Variants in JAKMIP1 observed in about 807,000 individuals in gnomAD.
The protein encoded by JAKMIP1 is janus kinase and microtubule interacting protein 1, also known as janus kinase and microtubule-interacting protein 1.
In JAKMIP1, 33 loss-of-function variants were observed where a neutral mutation model predicts 113.0. The observed-to-expected ratio is 0.29, with a 90% confidence interval of 0.22 to 0.39. The LOEUF is 0.39. Among genes scored for constraint, JAKMIP1 ranks in the 10% least tolerant of loss-of-function variants. JAKMIP1 has a pLI of 1.00. For synonymous variants in JAKMIP1, 480 were observed against 459.9 expected, an observed-to-expected ratio of 1.04 and a Z score of -0.56; for missense variants, 813 against 1,080.5, an observed-to-expected ratio of 0.75 and a Z score of 3.47.
At chr4:6,037,771 T>G (rs796779979) in intron 18 of JAKMIP1, among the ~76,000 whole-genome samples, 234 of 47,912 alleles carry the variant, frequency 4.9e-3, no homozygotes, top group Middle Eastern at 0.019. Context: ...CATCACTGAG[T>G]CAGAGGTTAA....
Position 6,089,267 on chromosome 4 carries a change from C to G in JAKMIP1, c.625-3638G>C, listed in dbSNP as rs949507373. 6.6e-6 allele frequency among the ~76,000 whole-genome samples: 1 copy of G among 152,222 alleles called. No individual in the cohort carries two copies. The highest frequency in any genetic ancestry group is 2.1e-4 in the South Asian group (1 of 4,834). On this transcript the variant is annotated intron_variant, in intron 3 of 20. Transcript: ENST00000409021. This position sits in a 1 kb window ranked among gnomAD's most constrained non-coding sequence, Gnocchi z 5.3. ...GCACCTACAGCAAATCCCATGACTTCAGTTGGGGGAGCCAACAGACACCCA... is the reference window on the plus strand; with the variant it reads ...GCACCTACAGCAAATCCCATGACTTGAGTTGGGGGAGCCAACAGACACCCA...
At chr4:6,036,965 AG>A (rs1313851114) in intron 18 of JAKMIP1, among the ~76,000 whole-genome samples, 2 of 132,246 alleles carry the variant, frequency 1.5e-5, no homozygotes, top group Non-Finnish European at 3.2e-5. Flanking sequence ...TCCATCACCG[AG>A]GCAGAGGCTA....
At position 6,095,852 on chromosome 4, in the gene JAKMIP1, T is replaced by G. The variant is rs115597134; in HGVS notation, c.624+9621A>C. 3.1e-3 allele frequency among the ~76,000 whole-genome samples: 466 copies of G among 152,160 alleles called. 1 individual carries two copies. Among genetic ancestry groups the G allele is most frequent in the African/African-American group, 0.011 (442 of 41,496 alleles). ...TTCACAGTGAACAAGACAGACTCAG[T>G]CCCTGTCCTTACAGAACTTGGATCC... is the stretch of plus-strand genomic sequence containing the variant. On this transcript the variant is annotated intron_variant, in intron 3 of 20. Coordinates refer to ENST00000409021, the MANE Select transcript of JAKMIP1 (RefSeq NM_001099433.2).
chr4:6,163,116 G>A (rs1313035642), intron 1 of JAKMIP1, among the ~76,000 whole-genome samples: 1 of 152,226 alleles, frequency 6.6e-6, no homozygotes, highest in Non-Finnish European at 1.5e-5. Context: ...CTCCCATGAT[G>A]GAGGCTGTGT....
intron 7 of JAKMIP1, 82 bp from the exon 8 acceptor site, chr4:6,079,080 G>A (rs1409463645): frequency 3.4e-5 from 50 of 1,481,846 alleles, no homozygotes; most frequent in Non-Finnish European, 4.5e-5. Flanking sequence ...AAGGGAGCTG[G>A]GCCTGCCCAT....
In JAKMIP1 at chr4:6,129,288, T is replaced by C. The variant is rs1718180280; in HGVS notation, c.-147-16291A>G. Among the ~76,000 whole-genome samples the C allele has an allele frequency of 6.6e-6, 1 of 152,198 alleles. No individual in the cohort carries two copies. Among genetic ancestry groups the C allele is most frequent in the South Asian group, 2.1e-4 (1 of 4,826 alleles). On this transcript the variant is annotated intron_variant, in intron 1 of 20. Coordinates refer to ENST00000409021, the MANE Select transcript of JAKMIP1 (RefSeq NM_001099433.2). This position sits in a 1 kb window ranked among gnomAD's most constrained non-coding sequence, Gnocchi z 5.4. ...AACTGGACAAGAGCTGGCACATGTG[T>C]GGTCAGATGCTGGGCGTGGCCCCAC...
chr4:6,030,816 C>T (rs1046257165), intron 19 of JAKMIP1, among the ~76,000 whole-genome samples: 10 of 152,246 alleles, frequency 6.6e-5, no homozygotes, highest in African/African-American at 1.9e-4. Context: ...GTCAGCATCA[C>T]CCAGAGAGCC....
In JAKMIP1 at chr4:6,200,018, T is replaced by C. The variant is rs1578543469; in HGVS notation, c.-148+235A>G. 1.0e-5 allele frequency among the ~76,000 whole-genome samples: 1 copy of C among 98,062 alleles called. No individual in the cohort carries two copies. Among genetic ancestry groups the C allele is most frequent in the Non-Finnish European group, 2.0e-5 (1 of 48,830 alleles). The allele number at this position is 98,062 out of a possible 152,430, so 64.3% of individuals were successfully genotyped here. A position where few individuals can be genotyped will look rare whatever the true frequency, so the allele number is the denominator to read the frequency against. On this transcript the variant is annotated intron_variant, in intron 1 of 20. Coordinates refer to ENST00000409021, the MANE Select transcript of JAKMIP1 (RefSeq NM_001099433.2). The surrounding 1 kb of genome is among the most constrained non-coding windows in gnomAD (Gnocchi z 7.0). ...GCGGCTGGGAGATTTTGCAAGGGGG[T>C]CTGAAGAGGAGTGGGGGATGGGTAT...
rs1229923984 is a variant in JAKMIP1, at chr4:6,094,120, T to G, written c.625-8491A>C. Among the ~76,000 whole-genome samples the G allele has an allele frequency of 6.6e-6, 1 of 151,876 alleles. No individual in the cohort carries two copies. Among genetic ancestry groups the G allele is most frequent in the Non-Finnish European group, 1.5e-5 (1 of 67,974 alleles). ...GAGGCTGGCCCAGCAGGCATCTATA[T>G]AGGGAACATGCATCGAACACATGCC... On this transcript the variant is annotated intron_variant, in intron 3 of 20. Coordinates refer to ENST00000409021, the MANE Select transcript of JAKMIP1 (RefSeq NM_001099433.2). The surrounding 1 kb of genome is among the most constrained non-coding windows in gnomAD (Gnocchi z 4.2).
chr4:6,095,818 C>T (rs1202406174), intron 3 of JAKMIP1, among the ~76,000 whole-genome samples: 1 of 151,702 alleles, frequency 6.6e-6, no homozygotes, highest in Non-Finnish European at 1.5e-5. Context: ...ACTGCACAGG[C>T]TCTGGGCTTT....
At position 6,137,013 on chromosome 4, in the gene JAKMIP1, G is replaced by A. The variant is rs1460257542; in HGVS notation, c.-147-24016C>T. Among the ~76,000 whole-genome samples, 1 of 152,160 alleles carries A rather than the reference G, an allele frequency of 6.6e-6. No individual in the cohort carries two copies. The highest frequency in any genetic ancestry group is 6.5e-5 in the Admixed American group (1 of 15,280). ...TCCACCAGGCCCCTGGGACTCTGCAGCCTATTCCCTCCAGTCCTCCTCTGC... is the reference window on the plus strand; with the variant it reads ...TCCACCAGGCCCCTGGGACTCTGCAACCTATTCCCTCCAGTCCTCCTCTGC... On this transcript the variant is annotated intron_variant, in intron 1 of 20. Coordinates refer to ENST00000409021, the MANE Select transcript of JAKMIP1 (RefSeq NM_001099433.2). The surrounding 1 kb of genome is among the most constrained non-coding windows in gnomAD (Gnocchi z 4.5).
intron 19 of JAKMIP1, among the ~76,000 whole-genome samples, chr4:6,034,219 TAAACCTTACC>T (rs1713106836): frequency 9.9e-6 from 1 of 100,760 alleles, no homozygotes; most frequent in Admixed American, 8.1e-5. Context: ...AATAATTATC[TAAACCTTACC>T]ATGCCCCAGT....
rs540292744 is a variant in JAKMIP1 at position 6,143,962 on chromosome 4, C to T, written c.-147-30965G>A. ...CTGGAGCAGGGACCACAGCATCTGCCTCACAGGCATGCCAGGGGGTCAAAG... is the reference window on the plus strand; with the variant it reads ...CTGGAGCAGGGACCACAGCATCTGCTTCACAGGCATGCCAGGGGGTCAAAG... On this transcript the variant is annotated intron_variant, in intron 1 of 20. Transcript: ENST00000409021. This position sits in a 1 kb window ranked among gnomAD's most constrained non-coding sequence, Gnocchi z 4.9. Among the ~76,000 whole-genome samples the T allele has an allele frequency of 1.1e-4, 16 of 152,324 alleles. No individual in the cohort carries two copies. Among genetic ancestry groups the T allele is most frequent in the African/African-American group, 3.4e-4 (14 of 41,576 alleles).
In JAKMIP1 at chr4:6,187,395, C is replaced by T. The variant is rs190462217; in HGVS notation, c.-148+12858G>A. The stretch of plus-strand genomic sequence containing the variant: ...TTGTATCCTTGAATCTAAAGTGTGT[C>T]TCCTATAGACAGTGCTATGATCTGA... On this transcript the variant is annotated intron_variant, in intron 1 of 20. Transcript: ENST00000409021. The surrounding 1 kb of genome is among the most constrained non-coding windows in gnomAD (Gnocchi z 4.2). Among the ~76,000 whole-genome samples, 212 of 152,322 alleles carry T rather than the reference C, an allele frequency of 1.4e-3. 1 individual carries two copies. The highest frequency in any genetic ancestry group is 5.0e-3 in the African/African-American group (209 of 41,570).
At position 6,153,354 on chromosome 4, in the gene JAKMIP1, A is replaced by G. The variant is rs548866033; in HGVS notation, c.-147-40357T>C. ...GGTGAGAAGAGGAGCCACGCTGAGC[A>G]TCAGGAGCCCTGGGATTTGAAGCCC... On this transcript the variant is annotated intron_variant, in intron 1 of 20. Coordinates refer to ENST00000409021, the MANE Select transcript of JAKMIP1 (RefSeq NM_001099433.2). The surrounding 1 kb of genome is among the most constrained non-coding windows in gnomAD (Gnocchi z 4.9). Among the ~76,000 whole-genome samples the G allele has an allele frequency of 6.6e-6, 1 of 152,154 alleles. No individual in the cohort carries two copies. The highest frequency in any genetic ancestry group is 1.5e-5 in the Non-Finnish European group (1 of 67,998).
chr4:6,111,387 T>C (rs529884690), intron 2 of JAKMIP1, among the ~76,000 whole-genome samples: 1 of 152,290 alleles, frequency 6.6e-6, no homozygotes, highest in African/African-American at 2.4e-5. Flanking sequence ...TGGCAGCTCC[T>C]CTCTGGGCTC....
intron 1 of JAKMIP1, among the ~76,000 whole-genome samples, chr4:6,171,692 G>A (rs1452096606): frequency 6.6e-6 from 1 of 152,202 alleles, no homozygotes; most frequent in East Asian, 1.9e-4. Flanking sequence ...AAGGTTGGCG[G>A]TTCACCCTCA....
At chr4:6,133,026 T>C (rs1349014723) in intron 1 of JAKMIP1, among the ~76,000 whole-genome samples, 2 of 151,978 alleles carry the variant, frequency 1.3e-5, no homozygotes, top group Non-Finnish European at 2.9e-5. Flanking sequence ...CAAGCCTTAT[T>C]TTTTTTAATT....
intron 3 of JAKMIP1, 25 bp downstream of exon 3, chr4:6,105,448 G>C (rs747180651): frequency 6.4e-6 from 10 of 1,559,148 alleles, no homozygotes; most frequent in Non-Finnish European, 8.7e-6. Context: ...GCGTGCCCGC[G>C]GGCGGGGGAG....
Sources: gnomAD v4.1 joint callset for allele counts (sites outside exome capture counted in the v4.1 genomes callset) on GRCh38, gnomAD v4.1.1 for gene constraint, Gnocchi (gnomAD v3.1) non-coding constraint, MANE v1.5 for transcripts, NCBI Gene and HGNC (gene_info 2026-07-23, HGNC 2026-07-21) for gene names.